Variants in ARHGEF7 observed in about 807,000 individuals in gnomAD.
ARHGEF7 encodes Rho guanine nucleotide exchange factor 7, also known as PAK-interacting exchange factor beta.
ARHGEF7 carries 33 observed loss-of-function variants against 109.8 expected under a neutral mutation model. The ratio of observed to expected loss-of-function variants is 0.30; its 90% confidence interval spans 0.23 to 0.40. ARHGEF7 has a LOEUF of 0.40. ARHGEF7 is among the 10% of genes least tolerant of loss of function. ARHGEF7 has a pLI of 1.00. For missense variants in ARHGEF7, 938 were observed against 1,098.5 expected (o/e 0.85, Z 2.07); for synonymous variants, 458 against 424.6 (o/e 1.08, Z -0.97).
At chr13:111,195,195 A>G (rs996564242) in intron 2 of ARHGEF7, among the ~76,000 whole-genome samples, 5 of 152,136 alleles carry the variant, frequency 3.3e-5, no homozygotes, top group Non-Finnish European at 5.9e-5. Flanking sequence ...CTGGGTGGGC[A>G]TTTTTTGCCC....
intron 8 of ARHGEF7, among the ~76,000 whole-genome samples, chr13:111,257,759 A>G (rs1031829177): frequency 6.6e-6 from 1 of 152,212 alleles, no homozygotes; most frequent in African/African-American, 2.4e-5. Flanking sequence ...ACAGAGAGAA[A>G]ACCTGTGCAC....
chr13:111,205,999 C>T (rs956076480), intron 3 of ARHGEF7, among the ~76,000 whole-genome samples: 4 of 152,192 alleles, frequency 2.6e-5, no homozygotes, highest in South Asian at 2.1e-4. Flanking sequence ...CCAAGGTCCC[C>T]GGAGGAAATG....
intron 2 of ARHGEF7, among the ~76,000 whole-genome samples, chr13:111,179,958 C>T (rs1219909984): frequency 2.0e-5 from 3 of 152,336 alleles, no homozygotes; most frequent in East Asian, 3.9e-4. Flanking sequence ...CACCAGATCT[C>T]GGTTATAAGG....
intron 18 of ARHGEF7, among the ~76,000 whole-genome samples, chr13:111,290,334 TA>T (rs1309961277): frequency 6.6e-6 from 1 of 152,056 alleles, no homozygotes; most frequent in Non-Finnish European, 1.5e-5. Context: ...ATAATACAAA[TA>T]AAAAATAATT....
At chr13:111,259,040 GC>G (rs1395429262) in intron 8 of ARHGEF7, among the ~76,000 whole-genome samples, 1 of 152,196 alleles carries the variant, frequency 6.6e-6, no homozygotes, top group Middle Eastern at 3.2e-3. Context: ...TGGCTTGGGT[GC>G]CACAAGAAAT....
At chr13:111,211,507 T>C (rs576958986) in intron 4 of ARHGEF7, among the ~76,000 whole-genome samples, 1 of 152,318 alleles carries the variant, frequency 6.6e-6, no homozygotes, top group South Asian at 2.1e-4. Context: ...ATAGTAAGTA[T>C]TGGATTAATT....
chr13:111,288,979 C>T (rs551499073), intron 18 of ARHGEF7, among the ~76,000 whole-genome samples: 15 of 151,960 alleles, frequency 9.9e-5, no homozygotes, highest in African/African-American at 3.4e-4. Flanking sequence ...ACAGGATTTA[C>T]GTGTGTCTGA....
chr13:111,211,760 A>T (rs905809513), intron 4 of ARHGEF7, among the ~76,000 whole-genome samples: 2 of 152,230 alleles, frequency 1.3e-5, no homozygotes, highest in African/African-American at 2.4e-5. Flanking sequence ...TTAAGAACTT[A>T]TCTTGAAACA....
chr13:111,280,091 T>G (rs1008378970), intron 13 of ARHGEF7, among the ~76,000 whole-genome samples, 181 bp from the exon 14 acceptor site: 18 of 152,190 alleles, frequency 1.2e-4, no homozygotes, highest in African/African-American at 4.3e-4. Flanking sequence ...GTATTATAAT[T>G]TATTATTTGA....
At chr13:111,299,948 T>C (rs1442835544) in intron 19 of ARHGEF7, among the ~76,000 whole-genome samples, 1 of 152,224 alleles carries the variant, frequency 6.6e-6, no homozygotes, top group Non-Finnish European at 1.5e-5. Context: ...TTTTCAAAAA[T>C]ATAAATGGTA....
rs1181960867 is a variant in ARHGEF7 at position 111,275,407 on chromosome 13, A to T, written c.1273-125A>T. ...TATAATTAAGCAAATCGCTCAATAA[A>T]TTATCTGTCTGAAGAAGTAAGATAT... is the stretch of plus-strand genomic sequence containing the variant. On this transcript the variant is annotated intron_variant, in intron 11 of 21. Transcript: ENST00000646102. 2.7e-6 allele frequency: 3 copies of T among 1,113,164 alleles called. No individual in the cohort carries two copies. The East Asian group carries it at 7.4e-5, about 27-fold the overall frequency. The allele number at this position is 1,113,164 out of a possible 1,614,324, so 69.0% of individuals were successfully genotyped here.
chr13:111,234,545 CT>C (rs2086538033), intron 6 of ARHGEF7, among the ~76,000 whole-genome samples: 1 of 152,132 alleles, frequency 6.6e-6, no homozygotes, highest in African/African-American at 2.4e-5. Flanking sequence ...CTTTTGTTGC[CT>C]CCATTTTTAC....
At chr13:111,232,473 A>C (rs1305463970) in intron 5 of ARHGEF7, among the ~76,000 whole-genome samples, 1 of 152,204 alleles carries the variant, frequency 6.6e-6, no homozygotes, top group Non-Finnish European at 1.5e-5. Flanking sequence ...CATAGAGCTG[A>C]TGACGGGCAT....
intron 8 of ARHGEF7, among the ~76,000 whole-genome samples, chr13:111,256,706 C>T (rs1292820228): frequency 6.6e-6 from 1 of 152,216 alleles, no homozygotes; most frequent in African/African-American, 2.4e-5. Flanking sequence ...ATCTTTAACT[C>T]TTCCTTTTCC....
intron 2 of ARHGEF7, among the ~76,000 whole-genome samples, chr13:111,166,282 T>C (rs959195522): frequency 6.6e-6 from 1 of 152,174 alleles, no homozygotes; most frequent in Non-Finnish European, 1.5e-5. Flanking sequence ...TGGGGAATAA[T>C]AGGAAGTGAG....
At position 111,115,498 on chromosome 13, in the gene ARHGEF7, C is replaced by T; in HGVS notation, c.-29C>T. On this transcript the variant is annotated 5_prime_UTR_variant, in exon 1 of 22. Transcript: ENST00000646102. ...CCGCTCCGAGGTGAAGGCGCGCGCC[C>T]CTCCCCGCCTGCCTCCCGGGCCGCA... The T allele has an allele frequency of 8.0e-7, 1 of 1,251,438 alleles. No individual in the cohort carries two copies. The highest frequency in any genetic ancestry group is 1.6e-5 in the African/African-American group (1 of 63,120). 77.5% of individuals were successfully genotyped at this position (1,251,438 alleles called of 1,614,324 possible).
chr13:111,117,723 C>A (rs1364855274), intron 1 of ARHGEF7, among the ~76,000 whole-genome samples: 3 of 151,282 alleles, frequency 2.0e-5, no homozygotes, highest in Admixed American at 1.3e-4. Flanking sequence ...CTCTCTCTTT[C>A]TTTCTCCTTC....
intron 8 of ARHGEF7, among the ~76,000 whole-genome samples, chr13:111,249,668 G>T (rs1378710683): frequency 6.6e-6 from 1 of 152,154 alleles, no homozygotes; most frequent in Non-Finnish European, 1.5e-5. Context: ...TTGCCAGGGT[G>T]AGATACAATA....
At chr13:111,284,841 CTG>C (rs1292484270) in intron 16 of ARHGEF7, among the ~76,000 whole-genome samples, 4 of 152,200 alleles carry the variant, frequency 2.6e-5, no homozygotes, top group African/African-American at 9.7e-5. Context: ...GCTGTGTGCT[CTG>C]TGACCCTCTG....
Sources: gnomAD v4.1 joint callset for allele counts (sites outside exome capture counted in the v4.1 genomes callset) on GRCh38, gnomAD v4.1.1 for gene constraint, MANE v1.5 for transcripts, NCBI Gene and HGNC (gene_info 2026-07-23, HGNC 2026-07-21) for gene names.